Variants in SH3PXD2A observed in about 807,000 individuals in gnomAD.
SH3PXD2A encodes SH3 and PX domain-containing protein 2A.
SH3PXD2A carries 32 observed loss-of-function variants against 115.2 expected under a neutral mutation model. The observed-to-expected ratio is 0.28, with a 90% CI of 0.21 to 0.37. The LOEUF is 0.37. SH3PXD2A is among the 10% of genes least tolerant of loss of function. SH3PXD2A has a pLI of 1.00. For synonymous variants in SH3PXD2A, 610 were observed against 629.1 expected, an observed-to-expected ratio of 0.97 and a Z score of 0.45; for missense variants, 1,328 against 1,498.7, an observed-to-expected ratio of 0.89 and a Z score of 1.88.
At chr10:103,718,595 G>C (rs1055116571) in intron 5 of SH3PXD2A, among the ~76,000 whole-genome samples, 15 of 152,196 alleles carry the variant, frequency 9.9e-5, no homozygotes, top group Admixed American at 2.6e-4. Context: ...TAGCAACTTC[G>C]CTTCCCCATC....
intron 2 of SH3PXD2A, among the ~76,000 whole-genome samples, chr10:103,771,079 G>C (rs1357655213): frequency 6.6e-6 from 1 of 152,152 alleles, no homozygotes; most frequent in East Asian, 1.9e-4. Context: ...TGAGGAGAGA[G>C]GTGGGCCCAG....
intron 5 of SH3PXD2A, among the ~76,000 whole-genome samples, chr10:103,721,959 C>T (rs753652784): frequency 6.6e-5 from 10 of 151,884 alleles, no homozygotes; most frequent in East Asian, 1.9e-4. Flanking sequence ...TTCAAATTCC[C>T]GCTCTAGCTG....
chr10:103,617,245 A>G lies in SH3PXD2A; in HGVS notation c.872T>C (p.Val291Ala). 1 of 1,614,144 alleles carries G rather than the reference A, an allele frequency of 6.2e-7. No homozygotes were observed. The highest frequency in any genetic ancestry group is 2.2e-5 in the East Asian group (1 of 44,880). Residue 291 changes from valine (V) to alanine (A), a missense_variant, in exon 11 of 15, where the codon GTC (valine) becomes GCC (alanine). Coordinates refer to ENST00000369774, the MANE Select transcript of SH3PXD2A (RefSeq NM_001394015.1). ...SKDEIGFEKGVTVEVIRKNLE... is the reference protein window; with the variant it reads ...SKDEIGFEKGATVEVIRKNLE... ...ATTCTTCCGGATCACCTCCACTGTG[A>G]CGCCCTTCTCAAAGCCAATCTCGTC... is the stretch of plus-strand genomic sequence containing the variant.
chr10:103,705,465 C>T (rs1004802448), intron 5 of SH3PXD2A, among the ~76,000 whole-genome samples: 1 of 152,212 alleles, frequency 6.6e-6, no homozygotes, highest in African/African-American at 2.4e-5. Context: ...ATGCCAGGTG[C>T]TAAACTAAAC....
At chr10:103,605,980 G>C (rs2036293846) in intron 13 of SH3PXD2A, 63 bp from the exon 14 acceptor site, 2 of 1,588,330 alleles carry the variant, frequency 1.3e-6, no homozygotes, top group Non-Finnish European at 1.7e-6. Flanking sequence ...CTTGGCCAAG[G>C]GTTGGTCCCC....
At chr10:103,843,420 A>G (rs1181905012) in intron 1 of SH3PXD2A, among the ~76,000 whole-genome samples, 1 of 148,040 alleles carries the variant, frequency 6.8e-6, no homozygotes, top group Non-Finnish European at 1.5e-5. Flanking sequence ...TCCCTACCAC[A>G]GTGCCATGCT....
At chr10:103,607,578 G>C (rs1227149476) in intron 13 of SH3PXD2A, among the ~76,000 whole-genome samples, 1 of 151,926 alleles carries the variant, frequency 6.6e-6, no homozygotes, top group Non-Finnish European at 1.5e-5. Flanking sequence ...GAGGTGAGGG[G>C]CGCCTCTGCC....
chr10:103,759,532 G>T (rs2038677187), intron 3 of SH3PXD2A, among the ~76,000 whole-genome samples: 1 of 152,236 alleles, frequency 6.6e-6, no homozygotes, highest in Non-Finnish European at 1.5e-5. Context: ...TTGCTAGTGG[G>T]AGGGGACCTC....
chr10:103,781,062 C>T (rs1392086030), intron 2 of SH3PXD2A, among the ~76,000 whole-genome samples: 1 of 152,208 alleles, frequency 6.6e-6, no homozygotes, highest in African/African-American at 2.4e-5. Flanking sequence ...TCCTGCAGAT[C>T]GGTCACACTT....
chr10:103,602,647 C>T lies in SH3PXD2A; in HGVS notation c.2571G>A (p.Ser857=), dbSNP rs199688290. ...CCACGCCCGCGGGGAAGCTGATCTCCGAGTCCTGGACCTTCTGGTAGGCGC... is the reference window on the plus strand; with the variant it reads ...CCACGCCCGCGGGGAAGCTGATCTCTGAGTCCTGGACCTTCTGGTAGGCGC... ...TCSAYQKVQD[S]EISFPAGVEV... is the part of the protein sequence containing the mutation. Residue 857 remains serine, a synonymous_variant, in exon 15 of 15, where the codon TCG becomes TCA. Coordinates refer to ENST00000369774, the MANE Select transcript of SH3PXD2A (RefSeq NM_001394015.1). The T allele has an allele frequency of 3.0e-5, 48 of 1,614,068 alleles. No homozygotes were observed. Among genetic ancestry groups the T allele is most frequent in the Admixed American group, 1.3e-4 (8 of 60,002 alleles).
intron 14 of SH3PXD2A, 140 bp downstream of exon 14, chr10:103,605,658 C>T (rs532214567): frequency 1.9e-6 from 2 of 1,035,894 alleles, no homozygotes; most frequent in East Asian, 2.4e-5. Flanking sequence ...GGCAGATGCT[C>T]ATCTTTGTGG....
rs1341973865 is a variant in SH3PXD2A, at chr10:103,597,678, C to T, written c.*4138G>A. 1 of 152,690 alleles carries T rather than the reference C, an allele frequency of 6.5e-6. No individual in the cohort carries two copies. The highest frequency in any genetic ancestry group is 2.4e-5 in the African/African-American group (1 of 41,448). The allele number at this position is 152,690 out of a possible 1,614,324, so 9.5% of individuals were successfully genotyped here. A position where few individuals can be genotyped will look rare whatever the true frequency, so the allele number is the denominator to read the frequency against. On this transcript the variant is annotated 3_prime_UTR_variant, in exon 15 of 15. Coordinates refer to ENST00000369774, the MANE Select transcript of SH3PXD2A (RefSeq NM_001394015.1). ...GATTCCTTCAGCACCCCGCTCCCTG[C>T]CTCTTGCTCTCTGAGCGCCACTGGT...
intron 10 of SH3PXD2A, among the ~76,000 whole-genome samples, chr10:103,618,290 G>A (rs2036550394): frequency 6.6e-6 from 1 of 152,202 alleles, no homozygotes; most frequent in Non-Finnish European, 1.5e-5. Flanking sequence ...ACCCGCTTGG[G>A]TCCTTGATCA....
At chr10:103,716,189 C>T (rs1381956853) in intron 5 of SH3PXD2A, among the ~76,000 whole-genome samples, 3 of 152,192 alleles carry the variant, frequency 2.0e-5, no homozygotes, top group East Asian at 1.9e-4. Context: ...ACCAGCCCGG[C>T]CCAGTTCCCA....
chr10:103,602,585 C>T lies in SH3PXD2A; in HGVS notation c.2633G>A (p.Trp878Ter). Residue 878 changes from tryptophan (W) to a stop codon, truncating the protein, a stop_gained, in exon 15 of 15, where the codon TGG (tryptophan) becomes TAG (stop). Coordinates refer to ENST00000369774, the MANE Select transcript of SH3PXD2A (RefSeq NM_001394015.1). LOFTEE classifies it high-confidence loss of function. ...QVLEKQESGW[W>*]YVRFGELEGW... Reference sequence around the variant, plus strand: ...CTCCAGCTCCCCAAACCTCACATACCACCACCCGCTCTCCTGCTTCTCCAG... The same window carrying T: ...CTCCAGCTCCCCAAACCTCACATACTACCACCCGCTCTCCTGCTTCTCCAG... 1 of 1,614,164 alleles carries T rather than the reference C, an allele frequency of 6.2e-7. No homozygotes were observed. Among genetic ancestry groups the T allele is most frequent in the Non-Finnish European group, 8.5e-7 (1 of 1,180,030 alleles).
chr10:103,759,718 A>T (rs1048318896), intron 3 of SH3PXD2A, among the ~76,000 whole-genome samples: 1 of 152,244 alleles, frequency 6.6e-6, no homozygotes, highest in African/African-American at 2.4e-5. Flanking sequence ...CTCGGGATAC[A>T]CAGGAAATCT....
chr10:103,783,104 C>T (rs902713428), intron 2 of SH3PXD2A, among the ~76,000 whole-genome samples: 6 of 151,978 alleles, frequency 3.9e-5, no homozygotes, highest in African/African-American at 7.3e-5. Flanking sequence ...GTGAAGCGAG[C>T]GAGCTGGGGT....
rs148405626 is a variant in SH3PXD2A, at chr10:103,728,194, G to A, written c.307-3833C>T. Among the ~76,000 whole-genome samples the A allele has an allele frequency of 6.5e-3, 993 of 152,326 alleles. 9 individuals carry two copies. The highest frequency in any genetic ancestry group is 0.023 in the African/African-American group (956 of 41,564). Reference sequence around the variant, plus strand: ...TTTGGGTCCTGGCTCTGCCATTTATGGGCTGTGTGAGGCTGGATGCATTAC... The same window carrying A: ...TTTGGGTCCTGGCTCTGCCATTTATAGGCTGTGTGAGGCTGGATGCATTAC... On this transcript the variant is annotated intron_variant, in intron 4 of 14. Coordinates refer to ENST00000369774, the MANE Select transcript of SH3PXD2A (RefSeq NM_001394015.1).
At chr10:103,728,074 A>G (rs1188519653) in intron 4 of SH3PXD2A, among the ~76,000 whole-genome samples, 3 of 152,330 alleles carry the variant, frequency 2.0e-5, no homozygotes, top group Admixed American at 1.3e-4. Flanking sequence ...CTGCCATGAG[A>G]CATTCATGAT....
Sources: allele counts gnomAD v4.1 joint callset (sites outside exome capture counted in the v4.1 genomes callset), GRCh38; gene constraint gnomAD v4.1.1; transcripts MANE v1.5; gene names NCBI Gene and HGNC (gene_info 2026-07-23, HGNC 2026-07-21).